Variants in MAD1L1 observed in about 807,000 individuals in gnomAD.
MAD1L1 encodes mitotic spindle assembly checkpoint protein MAD1.
MAD1L1 carries 95 observed loss-of-function variants against 96.9 expected under a neutral mutation model. That is an observed-to-expected ratio of 0.98 (90% CI 0.83 to 1.16). The LOEUF (loss-of-function observed/expected upper bound fraction) is 1.16. MAD1L1 is among the 50% of genes most tolerant of loss of function. The pLI is 0.00. For missense variants in MAD1L1, 1,007 were observed against 954.4 expected (o/e 1.06, Z -0.73); for synonymous variants, 473 against 396.6 (o/e 1.19, Z -2.29).
intron 16 of MAD1L1, among the ~76,000 whole-genome samples, chr7:1,948,649 C>T (rs1472288853): frequency 1.3e-5 from 2 of 152,226 alleles, no homozygotes; most frequent in African/African-American, 4.8e-5. Flanking sequence ...CCATGACACC[C>T]CTGATAACAG....
intron 11 of MAD1L1, among the ~76,000 whole-genome samples, chr7:2,100,198 TC>T (rs1786707482): frequency 6.6e-6 from 1 of 152,160 alleles, no homozygotes; most frequent in South Asian, 2.1e-4. Context: ...TACTTTCTGT[TC>T]CAGACCAGCA....
intron 16 of MAD1L1, among the ~76,000 whole-genome samples, chr7:1,954,046 G>A (rs1417047773): frequency 2.0e-5 from 3 of 152,118 alleles, no homozygotes; most frequent in Non-Finnish European, 4.4e-5. Context: ...CCCGTAGCCT[G>A]TGAGCCCCGA....
At chr7:2,208,220 T>C (rs2114973599) in intron 10 of MAD1L1, among the ~76,000 whole-genome samples, 1 of 152,220 alleles carries the variant, frequency 6.6e-6, no homozygotes, top group South Asian at 2.1e-4. Context: ...AGTGGCTCAC[T>C]GCTAGTATAC....
chr7:2,213,282 A>G lies in MAD1L1; in HGVS notation c.925-9T>C, dbSNP rs762662298. Reference sequence around the variant, plus strand: ...AGCTTGGCCAGCAGCCTCTGAAAAGACAACAAAAGCACAGACCCTGTCATC... The same window carrying G: ...AGCTTGGCCAGCAGCCTCTGAAAAGGCAACAAAAGCACAGACCCTGTCATC... On this transcript the variant is annotated splice_polypyrimidine_tract_variant and intron_variant, in intron 9 of 18. Transcript: ENST00000265854. 1 of 1,613,964 alleles carries G rather than the reference A, an allele frequency of 6.2e-7. No individual in the cohort carries two copies. Among genetic ancestry groups the G allele is most frequent in the Non-Finnish European group, 8.5e-7 (1 of 1,179,876 alleles).
intron 17 of MAD1L1, among the ~76,000 whole-genome samples, chr7:1,921,056 G>C (rs1788760881): frequency 6.6e-6 from 1 of 152,170 alleles, no homozygotes; most frequent in Non-Finnish European, 1.5e-5. Context: ...GGAGCCAGCA[G>C]TGGGGACTCA....
At chr7:2,154,619 T>C (rs1382706197) in intron 10 of MAD1L1, among the ~76,000 whole-genome samples, 4 of 152,166 alleles carry the variant, frequency 2.6e-5, no homozygotes, top group Non-Finnish European at 5.9e-5. Context: ...TAAAATATTA[T>C]GTATAAAAAT....
intron 18 of MAD1L1, among the ~76,000 whole-genome samples, chr7:1,833,941 C>T (rs769859968): frequency 1.4e-4 from 22 of 151,996 alleles, no homozygotes; most frequent in African/African-American, 3.4e-4. Flanking sequence ...AATGAGACTC[C>T]GTCTCCAAAA....
intron 18 of MAD1L1, among the ~76,000 whole-genome samples, chr7:1,825,972 A>T (rs1310672538): frequency 6.6e-6 from 1 of 151,988 alleles, no homozygotes; most frequent in East Asian, 1.9e-4. Context: ...CCAGGGTTGG[A>T]GGTCGGCGCG....
chr7:2,124,513 G>C (rs1470200962), intron 11 of MAD1L1, among the ~76,000 whole-genome samples: 1 of 152,192 alleles, frequency 6.6e-6, no homozygotes, highest in African/African-American at 2.4e-5. Flanking sequence ...GGGACAGCCG[G>C]CCTGCATGTG....
At chr7:2,057,658 C>T (rs1784439202) in intron 12 of MAD1L1, among the ~76,000 whole-genome samples, 1 of 152,184 alleles carries the variant, frequency 6.6e-6, no homozygotes, top group African/African-American at 2.4e-5. Context: ...TTAAATCCTG[C>T]TGGAAGGCCA....
rs951163777 is a variant in MAD1L1 at position 1,816,301 on chromosome 7, C to G, written c.1999-73G>C. 5.4e-6 allele frequency: 8 copies of G among 1,469,302 alleles called. No individual in the cohort carries two copies. In the South Asian group the frequency reaches 8.8e-5, roughly 16 times the overall value. 91.0% of individuals were successfully genotyped at this position (1,469,302 alleles called of 1,614,324 possible). On this transcript the variant is annotated intron_variant, in intron 18 of 18. Coordinates refer to ENST00000265854, the MANE Select transcript of MAD1L1 (RefSeq NM_001013836.2). Reference sequence around the variant, plus strand: ...CCTCTCCCTCTCCCCTCCCTCCCTACACAGCCCCTCCAGCCATGGGGGCTT... The same window carrying G: ...CCTCTCCCTCTCCCCTCCCTCCCTAGACAGCCCCTCCAGCCATGGGGGCTT...
intron 13 of MAD1L1, among the ~76,000 whole-genome samples, chr7:2,009,019 G>C (rs1355320310): frequency 2.6e-5 from 4 of 152,154 alleles, no homozygotes; most frequent in Non-Finnish European, 2.9e-5. Flanking sequence ...CCCCAGCGCA[G>C]CCACGCCCCG....
chr7:2,182,260 A>C lies in MAD1L1; in HGVS notation c.986+30952T>G, dbSNP rs533147273. On this transcript the variant is annotated intron_variant, in intron 10 of 18. Transcript: ENST00000265854. Reference sequence around the variant, plus strand: ...TTATGGTATATCCATCCAATGAAAAATCATGCAGTCATTAAAAAAAAAAAT... The same window carrying C: ...TTATGGTATATCCATCCAATGAAAACTCATGCAGTCATTAAAAAAAAAAAT... Among the ~76,000 whole-genome samples the C allele has an allele frequency of 3.8e-4, 58 of 152,244 alleles. 1 individual carries two copies. In the South Asian group the frequency reaches 0.012, roughly 31 times the overall value.
At position 2,032,918 on chromosome 7, in the gene MAD1L1, T is replaced by C. The variant is rs559897935; in HGVS notation, c.1219-18276A>G. Among the ~76,000 whole-genome samples, 624 of 152,228 alleles carry C rather than the reference T, an allele frequency of 4.1e-3. 6 individuals are homozygous for C. Among genetic ancestry groups the C allele is most frequent in the African/African-American group, 0.014 (590 of 41,546 alleles). On this transcript the variant is annotated intron_variant, in intron 12 of 18. Transcript: ENST00000265854. ...ACTCTGCACACAGGGAGAGTGTGCA[T>C]GGGGCAGGGGGGCAAGGCGCCCCCG...
intron 11 of MAD1L1, among the ~76,000 whole-genome samples, chr7:2,139,990 CG>C (rs375825773): frequency 1.3e-5 from 2 of 150,050 alleles, no homozygotes; most frequent in African/African-American, 5.0e-5. Context: ...ATCTGGACCC[CG>C]CCCCCCCCCA....
intron 18 of MAD1L1, among the ~76,000 whole-genome samples, chr7:1,878,751 T>C (rs1049479781): frequency 6.9e-6 from 1 of 145,514 alleles, no homozygotes; most frequent in African/African-American, 2.5e-5. Flanking sequence ...CCCATTCTTA[T>C]TCAGCACTGT....
intron 13 of MAD1L1, among the ~76,000 whole-genome samples, chr7:2,013,023 A>G (rs1227708544): frequency 6.6e-6 from 1 of 152,244 alleles, no homozygotes; most frequent in Non-Finnish European, 1.5e-5. Context: ...CTTTCTCCAG[A>G]AATTCAGCTC....
intron 5 of MAD1L1, 119 bp from the exon 6 acceptor site, chr7:2,219,575 A>G: frequency 2.2e-6 from 2 of 918,942 alleles, no homozygotes; most frequent in South Asian, 3.3e-5. Flanking sequence ...TAATCAGGGC[A>G]GGAGGCAGAG....
intron 15 of MAD1L1, among the ~76,000 whole-genome samples, chr7:1,971,986 G>A (rs1483078137): frequency 2.0e-5 from 3 of 152,194 alleles, no homozygotes; most frequent in Admixed American, 6.5e-5. Context: ...AAGGAGGTCC[G>A]TGTCCTCTTT....
Sources: gnomAD v4.1 joint callset for allele counts (sites outside exome capture counted in the v4.1 genomes callset) on GRCh38, gnomAD v4.1.1 for gene constraint, MANE v1.5 for transcripts, NCBI Gene and HGNC (gene_info 2026-07-23, HGNC 2026-07-21) for gene names.